The following ANKS1B variants were observed in gnomAD, a reference collection of about 807,000 sequenced individuals.
The protein encoded by ANKS1B is ankyrin repeat and sterile alpha motif domain containing 1B, also known as ankyrin repeat and sterile alpha motif domain-containing protein 1B.
A neutral mutation model predicts 148.3 loss-of-function variants in ANKS1B; 36 were observed. That is an observed-to-expected ratio of 0.24 (90% CI 0.19 to 0.32). ANKS1B has a LOEUF of 0.32. ANKS1B is among the 10% of genes least tolerant of loss of function. The probability of loss-of-function intolerance (pLI) is 1.00; values close to 1 mark genes in which losing one functional copy is unlikely to be tolerated. For missense variants in ANKS1B, 1,157 were observed against 1,542.6 expected (o/e 0.75, Z 4.19); for synonymous variants, 542 against 560.8 (o/e 0.97, Z 0.47).
chr12:98,950,077 T>C (rs912887034), intron 17 of ANKS1B, among the ~76,000 whole-genome samples: 4 of 152,224 alleles, frequency 2.6e-5, no homozygotes, highest in African/African-American at 9.6e-5. Context: ...ATGGTCATGC[T>C]GAATGAAGAA....
chr12:99,705,877 A>T (rs2055674918), intron 8 of ANKS1B, among the ~76,000 whole-genome samples: 1 of 152,104 alleles, frequency 6.6e-6, no homozygotes, highest in African/African-American at 2.4e-5. Flanking sequence ...TGTTAAGAAA[A>T]GATGAATCTG....
chr12:99,711,881 A>G (rs1362322164), intron 8 of ANKS1B, among the ~76,000 whole-genome samples: 3 of 152,232 alleles, frequency 2.0e-5, no homozygotes, highest in Admixed American at 1.3e-4. Context: ...ATTCTGTCAT[A>G]AAGACATGCA....
At chr12:99,081,244 A>T (rs1370817596) in intron 16 of ANKS1B, among the ~76,000 whole-genome samples, 1 of 151,246 alleles carries the variant, frequency 6.6e-6, no homozygotes, top group Non-Finnish European at 1.5e-5. Flanking sequence ...GTGCTAACAC[A>T]TCAAGATTGT....
At chr12:99,312,110 A>G (rs560693275) in intron 12 of ANKS1B, among the ~76,000 whole-genome samples, 2 of 152,184 alleles carry the variant, frequency 1.3e-5, no homozygotes, top group South Asian at 2.1e-4. Flanking sequence ...GCAGAAAGCT[A>G]TCTAGGTTAA....
Position 99,766,553 on chromosome 12 carries a change from A to C in ANKS1B, c.1128+6369T>G, listed in dbSNP as rs533072964. ...TTAATGGTATTGTTTTCAATATATA[A>C]ATGCAGGTCAACATGATCCTAGTTC... On this transcript the variant is annotated intron_variant, in intron 8 of 26. Coordinates refer to ENST00000683438, the MANE Select transcript of ANKS1B (RefSeq NM_001352186.2). 1.8e-4 allele frequency among the ~76,000 whole-genome samples: 28 copies of C among 152,184 alleles called. 1 individual carries two copies. The highest frequency in any genetic ancestry group is 6.7e-4 in the African/African-American group (28 of 41,544).
intron 9 of ANKS1B, among the ~76,000 whole-genome samples, chr12:99,538,988 C>G (rs1596579346): frequency 6.6e-6 from 1 of 152,174 alleles, no homozygotes; most frequent in East Asian, 1.9e-4. Flanking sequence ...CAGCATCAAT[C>G]GAAATGGTCA....
exon 10 of ANKS1B, chr12:98,735,125 G>GAGAT (rs886649915): frequency 5.0e-6 from 2 of 398,494 alleles, no homozygotes; most frequent in Non-Finnish European, 8.8e-6. Context: ...GAAGAAAGAA[G>GAGAT]AGATACCTAG....
intron 25 of ANKS1B, among the ~76,000 whole-genome samples, chr12:98,756,609 C>T (rs187764284): frequency 0.031 from 4,637 of 151,536 alleles, 242 homozygotes; most frequent in African/African-American, 0.11. Flanking sequence ...ACCTGTAATC[C>T]CAGCTACTTG....
intron 9 of ANKS1B, among the ~76,000 whole-genome samples, chr12:99,562,943 T>G (rs1269826107): frequency 6.6e-6 from 1 of 152,206 alleles, no homozygotes; most frequent in East Asian, 1.9e-4. Context: ...ACTTGCTGCT[T>G]CTCCTTACAG....
intron 12 of ANKS1B, among the ~76,000 whole-genome samples, chr12:99,292,814 C>A (rs552275130): frequency 1.6e-4 from 24 of 152,278 alleles, no homozygotes; most frequent in African/African-American, 5.8e-4. Context: ...CCATCTCACA[C>A]CAGTTAGAAT....
intron 14 of ANKS1B, among the ~76,000 whole-genome samples, chr12:99,221,007 A>C (rs2085040516): frequency 6.6e-6 from 1 of 152,286 alleles, no homozygotes; most frequent in Admixed American, 6.5e-5. Context: ...CATTCATTTA[A>C]AAAAGGCTTG....
intron 17 of ANKS1B, among the ~76,000 whole-genome samples, chr12:99,008,976 A>T (rs977508488): frequency 1.3e-5 from 2 of 152,166 alleles, no homozygotes; most frequent in African/African-American, 4.8e-5. Context: ...ACCCCAAAGG[A>T]TTACACAGGA....
chr12:99,654,067 A>G (rs1024809106), intron 9 of ANKS1B, among the ~76,000 whole-genome samples: 2 of 152,200 alleles, frequency 1.3e-5, no homozygotes, highest in African/African-American at 4.8e-5. Context: ...ATGTATTTAC[A>G]ACAATTCTGT....
rs186793666 is a variant in ANKS1B at position 99,742,092 on chromosome 12, A to G, written c.1128+30830T>C. Among the ~76,000 whole-genome samples, 1,243 of 151,946 alleles carry G rather than the reference A, an allele frequency of 8.2e-3. 15 individuals are homozygous for G. The highest frequency in any genetic ancestry group is 9.5e-3 in the Non-Finnish European group (647 of 67,950). The stretch of plus-strand genomic sequence containing the variant: ...CATACAGCGGAACAATACACACTGG[A>G]GCCTATTGGAGGGTGGAAGGTGGTA... On this transcript the variant is annotated intron_variant, in intron 8 of 26. Coordinates refer to ENST00000683438, the MANE Select transcript of ANKS1B (RefSeq NM_001352186.2).
At chr12:99,750,727 C>A (rs1244082551) in intron 8 of ANKS1B, among the ~76,000 whole-genome samples, 1 of 151,984 alleles carries the variant, frequency 6.6e-6, no homozygotes, top group African/African-American at 2.4e-5. Flanking sequence ...TTTACCCATA[C>A]CACCTTTTGA....
intron 19 of ANKS1B, among the ~76,000 whole-genome samples, chr12:98,808,713 C>T (rs886249089): frequency 2.6e-5 from 4 of 152,182 alleles, no homozygotes; most frequent in Admixed American, 6.5e-5. Flanking sequence ...CCAGGAGTTA[C>T]AGTAGAAACC....
At chr12:99,590,270 A>C (rs1026162938) in intron 9 of ANKS1B, among the ~76,000 whole-genome samples, 2 of 150,318 alleles carry the variant, frequency 1.3e-5, no homozygotes, top group Non-Finnish European at 1.5e-5. Context: ...ACACACACAC[A>C]CACACACACA....
chr12:99,452,088 ATGGT>A (rs1237124205), intron 10 of ANKS1B, among the ~76,000 whole-genome samples: 3 of 152,116 alleles, frequency 2.0e-5, no homozygotes, highest in Non-Finnish European at 4.4e-5. Context: ...AAAGGGCCAG[ATGGT>A]AAATATTGTA....
At chr12:99,357,430 T>A (rs760361935) in intron 12 of ANKS1B, among the ~76,000 whole-genome samples, 2 of 152,166 alleles carry the variant, frequency 1.3e-5, no homozygotes, top group Non-Finnish European at 2.9e-5. Flanking sequence ...ATCTCCAGCA[T>A]GGGCTGAGTG....
Sources: allele counts gnomAD v4.1 joint callset (sites outside exome capture counted in the v4.1 genomes callset), GRCh38; gene constraint gnomAD v4.1.1; transcripts MANE v1.5; gene names NCBI Gene and HGNC (gene_info 2026-07-23, HGNC 2026-07-21).